Variants in MOB3B observed in about 807,000 individuals in gnomAD.
MOB3B encodes MOB kinase activator 3B.
In MOB3B, 7 loss-of-function variants were observed where a neutral mutation model predicts 18.7. That is an observed-to-expected ratio of 0.37 (90% CI 0.21 to 0.70). The LOEUF (loss-of-function observed/expected upper bound fraction) is 0.70, where lower values mean the gene tolerates loss of function less well. Ranked by LOEUF, MOB3B falls within the 30% of genes least tolerant of loss-of-function variation. MOB3B has a pLI of 0.52. For missense variants in MOB3B, 253 were observed against 281.3 expected, an observed-to-expected ratio of 0.90 and a Z score of 0.72; for synonymous variants, 111 against 99.9, an observed-to-expected ratio of 1.11 and a Z score of -0.66.
intron 1 of MOB3B, among the ~76,000 whole-genome samples, chr9:27,482,145 G>A (rs1452160908): frequency 1.3e-5 from 2 of 152,086 alleles, no homozygotes; most frequent in Non-Finnish European, 2.9e-5. Flanking sequence ...TGGAAGCGAA[G>A]GCTTATGCTA....
At chr9:27,388,420 C>T (rs1821676915) in intron 2 of MOB3B, among the ~76,000 whole-genome samples, 3 of 152,132 alleles carry the variant, frequency 2.0e-5, no homozygotes, top group African/African-American at 4.8e-5. Flanking sequence ...TTTTAGTTCA[C>T]TCATTGAAAT....
rs146205275 is a variant in MOB3B, at chr9:27,425,182, C to A, written c.418+29951G>T. Among the ~76,000 whole-genome samples, 155 of 152,112 alleles carry A rather than the reference C, an allele frequency of 1.0e-3. No homozygotes were observed. In the East Asian group the frequency reaches 0.022, roughly 22 times the overall value. ...CCTGAGGTCAGGAGTTCAAGACCAG[C>A]CTGACCAACATGGAGAAACCCTGTG... On this transcript the variant is annotated intron_variant, in intron 2 of 3. Transcript: ENST00000262244.
chr9:27,394,765 C>CT (rs140413029), intron 2 of MOB3B, among the ~76,000 whole-genome samples: 8 of 150,168 alleles, frequency 5.3e-5, no homozygotes, highest in Middle Eastern at 3.2e-3. Flanking sequence ...TCTTAACTGA[C>CT]TTTTTTTTTT....
At chr9:27,397,508 T>C (rs1367414082) in intron 2 of MOB3B, 2 of 152,164 alleles carry the variant, frequency 1.3e-5, no homozygotes, top group African/African-American at 2.4e-5. Context: ...TTTTGAAGTG[T>C]TCACTAATTC....
intron 2 of MOB3B, among the ~76,000 whole-genome samples, chr9:27,404,216 T>G (rs7039868): frequency 0.18 from 27,667 of 151,924 alleles, 3,175 homozygotes; most frequent in African/African-American, 0.33. Context: ...GCTTGGCTTA[T>G]TTCACTTAAC....
At chr9:27,425,385 A>AAAAAAAAAAAC (rs1554648746) in intron 2 of MOB3B, among the ~76,000 whole-genome samples, 1 of 145,160 alleles carries the variant, frequency 6.9e-6, no homozygotes, top group Non-Finnish European at 1.5e-5. Context: ...AAAAAAAAAA[A>AAAAAAAAAAAC]AAAACAAAAC....
chr9:27,517,647 CAAAAAAAAAAA>C (rs756559270), intron 1 of MOB3B, among the ~76,000 whole-genome samples: 1 of 54,268 alleles, frequency 1.8e-5, no homozygotes, highest in Non-Finnish European at 3.0e-5. Flanking sequence ...GACTCTGTCT[CAAAAAAAAAAA>C]AAAAAAAAAA....
chr9:27,493,820 C>T (rs2589047), intron 1 of MOB3B, among the ~76,000 whole-genome samples: 150,851 of 152,326 alleles, frequency 0.99, 74,708 homozygotes, highest in East Asian at 1. Flanking sequence ...TTGAGCAATA[C>T]GAAATCTGGG....
At chr9:27,451,154 A>AAGCTG (rs1822777081) in intron 2 of MOB3B, among the ~76,000 whole-genome samples, 1 of 152,200 alleles carries the variant, frequency 6.6e-6, no homozygotes, top group Admixed American at 6.5e-5. Flanking sequence ...AAAAACAGGG[A>AAGCTG]AGCTGGGGGA....
intron 3 of MOB3B, among the ~76,000 whole-genome samples, chr9:27,358,010 G>A (rs1358013222): frequency 6.6e-6 from 1 of 151,332 alleles, no homozygotes; most frequent in Non-Finnish European, 1.5e-5. Flanking sequence ...GCTATGGTTA[G>A]CTATGATCTT....
intron 2 of MOB3B, among the ~76,000 whole-genome samples, chr9:27,393,391 G>GTT (rs1198258845): frequency 1.3e-5 from 2 of 152,014 alleles, no homozygotes; most frequent in Admixed American, 1.3e-4. Context: ...GTGTGTGTGT[G>GTT]TGTGTGTAAC....
At chr9:27,411,900 T>C (rs972015984) in intron 2 of MOB3B, among the ~76,000 whole-genome samples, 1 of 152,236 alleles carries the variant, frequency 6.6e-6, no homozygotes, top group Non-Finnish European at 1.5e-5. Flanking sequence ...AATGCAAGGT[T>C]CTAATAATAG....
chr9:27,349,547 G>A (rs1407765615), intron 3 of MOB3B, among the ~76,000 whole-genome samples: 2 of 152,222 alleles, frequency 1.3e-5, no homozygotes, highest in East Asian at 3.9e-4. Flanking sequence ...AAGCCATACT[G>A]ACTATTTACA....
chr9:27,362,605 G>T (rs903588083), intron 2 of MOB3B, among the ~76,000 whole-genome samples: 1 of 152,064 alleles, frequency 6.6e-6, no homozygotes, highest in Non-Finnish European at 1.5e-5. Context: ...AGCAAAAGCT[G>T]CAAACGGTTC....
intron 2 of MOB3B, among the ~76,000 whole-genome samples, chr9:27,423,323 A>T: frequency 6.6e-6 from 1 of 152,272 alleles, no homozygotes; most frequent in African/African-American, 2.4e-5. Context: ...ATTATTGCAC[A>T]TAAATATAAC....
At chr9:27,423,289 A>G (rs1347302022) in intron 2 of MOB3B, among the ~76,000 whole-genome samples, 1 of 152,190 alleles carries the variant, frequency 6.6e-6, no homozygotes, top group African/African-American at 2.4e-5. Flanking sequence ...AAACATTAAA[A>G]GTCTTTTGGT....
rs1394904349 is a variant in MOB3B at position 27,461,015 on chromosome 9, C to G, written c.-198-5267G>C. Among the ~76,000 whole-genome samples the G allele has an allele frequency of 1.3e-5, 2 of 152,178 alleles. 1 individual carries two copies. Among genetic ancestry groups the G allele is most frequent in the Non-Finnish European group, 2.9e-5 (2 of 68,020 alleles). ...ATACCCTGAAGTAACAAGTCTGCCT[C>G]CTGAAAGGACAAGACTTCAGCTCAA... On this transcript the variant is annotated intron_variant, in intron 1 of 3. Transcript: ENST00000262244.
intron 3 of MOB3B, among the ~76,000 whole-genome samples, chr9:27,356,987 T>C (rs1821198500): frequency 1.3e-5 from 2 of 150,968 alleles, no homozygotes; most frequent in Admixed American, 6.6e-5. Context: ...ACTCGGTTCC[T>C]GCCCCTGAGA....
chr9:27,401,922 GT>G (rs983802081), intron 2 of MOB3B, among the ~76,000 whole-genome samples: 1 of 152,116 alleles, frequency 6.6e-6, no homozygotes, highest in African/African-American at 2.4e-5. Flanking sequence ...TGCTCTACTA[GT>G]TTTTTTCTGG....
Sources: gnomAD v4.1 joint callset for allele counts (sites outside exome capture counted in the v4.1 genomes callset) on GRCh38, gnomAD v4.1.1 for gene constraint, MANE v1.5 for transcripts, NCBI Gene and HGNC (gene_info 2026-07-23, HGNC 2026-07-21) for gene names.